DNAJC1: variants seen among roughly 807,000 people sequenced by gnomAD.
The protein encoded by DNAJC1 is DnaJ heat shock protein family (Hsp40) member C1, also known as dnaJ homolog subfamily C member 1.
Under a neutral mutation model 76.6 loss-of-function variants are expected in DNAJC1, and 58 were observed. The observed-to-expected ratio is 0.76, with a 90% confidence interval of 0.61 to 0.94. The LOEUF (loss-of-function observed/expected upper bound fraction) is 0.94. DNAJC1 is among the 40% of genes least tolerant of loss of function. The pLI, the probability that DNAJC1 is intolerant of heterozygous loss-of-function variation, is 0.00. For synonymous variants in DNAJC1, 258 were observed against 267.9 expected (o/e 0.96, Z 0.36); for missense variants, 689 against 677.3 (o/e 1.02, Z -0.19).
intron 8 of DNAJC1, among the ~76,000 whole-genome samples, chr10:21,854,461 A>G (rs79692176): frequency 0.023 from 3,473 of 152,106 alleles, 120 homozygotes; most frequent in African/African-American, 0.078. Flanking sequence ...TCTTTTCTAT[A>G]ATTTCCTTAC....
intron 9 of DNAJC1, among the ~76,000 whole-genome samples, chr10:21,768,902 T>C (rs748974315): frequency 3.9e-5 from 6 of 152,206 alleles, no homozygotes; most frequent in Non-Finnish European, 8.8e-5. Flanking sequence ...CTTGCTTTCA[T>C]CTTCAACTTC....
chr10:21,855,354 AG>A (rs1835818080), intron 8 of DNAJC1, among the ~76,000 whole-genome samples: 1 of 152,184 alleles, frequency 6.6e-6, no homozygotes, highest in African/African-American at 2.4e-5. Context: ...GTTAGAGACA[AG>A]GTTTAGAGAA....
intron 8 of DNAJC1, among the ~76,000 whole-genome samples, chr10:21,813,016 TACACACACATACAC>T (rs1564794521): frequency 1.2e-5 from 1 of 82,286 alleles, no homozygotes; most frequent in East Asian, 5.1e-4. Context: ...AAAAGACATA[TACACACACATACAC>T]ACACACACAC....
intron 9 of DNAJC1, among the ~76,000 whole-genome samples, chr10:21,787,185 G>A (rs375884921): frequency 4.6e-5 from 7 of 151,938 alleles, no homozygotes; most frequent in Admixed American, 2.0e-4. Flanking sequence ...AAAATTAGCC[G>A]GGCATGGTGG....
chr10:21,882,204 T>A, intron 8 of DNAJC1, 78 bp downstream of exon 8: 1 of 1,310,008 alleles, frequency 7.6e-7, no homozygotes, highest in South Asian at 1.4e-5. Context: ...CAAAGCACTA[T>A]ATCGTGAGCT....
chr10:21,936,671 G>A (rs1020719735), intron 1 of DNAJC1, among the ~76,000 whole-genome samples: 1 of 151,958 alleles, frequency 6.6e-6, no homozygotes, highest in Non-Finnish European at 1.5e-5. Flanking sequence ...TCACATTCTA[G>A]CAAAATATTT....
chr10:21,824,592 A>T (rs565248013), intron 8 of DNAJC1, among the ~76,000 whole-genome samples: 2 of 152,248 alleles, frequency 1.3e-5, no homozygotes, highest in African/African-American at 4.8e-5. Context: ...CTGGAGAGAG[A>T]TGGACGGTGA....
At chr10:21,849,032 G>C (rs1056589393) in intron 8 of DNAJC1, among the ~76,000 whole-genome samples, 2 of 152,140 alleles carry the variant, frequency 1.3e-5, no homozygotes, top group Admixed American at 1.3e-4. Context: ...GCTCAAGCCT[G>C]TAATCCCAGT....
intron 1 of DNAJC1, among the ~76,000 whole-genome samples, chr10:21,988,585 T>C (rs766475244): frequency 6.6e-6 from 1 of 152,310 alleles, no homozygotes; most frequent in Non-Finnish European, 1.5e-5. Flanking sequence ...CTTAATTCTA[T>C]GAAGCTAATA....
At chr10:21,961,190 A>G (rs553806094) in intron 1 of DNAJC1, among the ~76,000 whole-genome samples, 1 of 152,344 alleles carries the variant, frequency 6.6e-6, no homozygotes, top group East Asian at 1.9e-4. Flanking sequence ...TTAAACACTG[A>G]ATTACCATAT....
intron 1 of DNAJC1, among the ~76,000 whole-genome samples, chr10:21,959,244 C>G (rs1837744940): frequency 6.6e-6 from 1 of 151,964 alleles, no homozygotes; most frequent in South Asian, 2.1e-4. Flanking sequence ...CTTGCCTTAG[C>G]CTCCTGAGTA....
chr10:21,887,309 T>C (rs967625531), intron 7 of DNAJC1, among the ~76,000 whole-genome samples: 6 of 152,136 alleles, frequency 3.9e-5, no homozygotes, highest in African/African-American at 1.2e-4. Context: ...AATGGTCATA[T>C]TGCTCAAAGT....
At chr10:21,789,497 G>A (rs1448638159) in intron 9 of DNAJC1, among the ~76,000 whole-genome samples, 1 of 152,010 alleles carries the variant, frequency 6.6e-6, no homozygotes, top group East Asian at 1.9e-4. Context: ...AGAGGAACAC[G>A]ACTCTTCAAT....
At chr10:21,835,205 C>T (rs561434309) in intron 8 of DNAJC1, among the ~76,000 whole-genome samples, 2 of 152,280 alleles carry the variant, frequency 1.3e-5, no homozygotes, top group African/African-American at 2.4e-5. Context: ...CTGCTGATAC[C>T]CAGGCAAACA....
At chr10:21,822,344 C>T (rs904255207) in intron 8 of DNAJC1, among the ~76,000 whole-genome samples, 5 of 151,998 alleles carry the variant, frequency 3.3e-5, no homozygotes, top group Admixed American at 2.0e-4. Context: ...GAGGCTGAGG[C>T]AGAAGAATCA....
chr10:21,884,741 A>G (rs1836342170), intron 7 of DNAJC1, among the ~76,000 whole-genome samples: 1 of 152,220 alleles, frequency 6.6e-6, no homozygotes, highest in Admixed American at 6.5e-5. Context: ...GAGCAATAGC[A>G]GAAGTAATTT....
chr10:21,990,511 G>T (rs1234451438), intron 1 of DNAJC1, among the ~76,000 whole-genome samples: 1 of 152,178 alleles, frequency 6.6e-6, no homozygotes, highest in Non-Finnish European at 1.5e-5. Flanking sequence ...TGAGCATGTT[G>T]AAAGTAGATA....
intron 8 of DNAJC1, among the ~76,000 whole-genome samples, chr10:21,833,796 C>G (rs1835401380): frequency 6.6e-6 from 1 of 152,094 alleles, no homozygotes; most frequent in African/African-American, 2.4e-5. Flanking sequence ...CTTCCACCAG[C>G]AGATAGATGG....
intron 9 of DNAJC1, among the ~76,000 whole-genome samples, chr10:21,774,124 G>A (rs1249190671): frequency 1.5e-5 from 2 of 136,616 alleles, no homozygotes; most frequent in South Asian, 4.7e-4. Context: ...CTGGGCGACA[G>A]AGCGAGACTC....
Sources: gnomAD v4.1 joint callset for allele counts (sites outside exome capture counted in the v4.1 genomes callset) on GRCh38, gnomAD v4.1.1 for gene constraint, MANE v1.5 for transcripts, NCBI Gene and HGNC (gene_info 2026-07-23, HGNC 2026-07-21) for gene names.